Variants in FRMD3 observed in about 807,000 individuals in gnomAD.
FRMD3 encodes FERM domain-containing protein 3.
Under a neutral mutation model 70.2 loss-of-function variants are expected in FRMD3, and 33 were observed. The observed-to-expected ratio is 0.47, with a 90% CI of 0.36 to 0.63. The LOEUF is 0.63. Among genes scored for constraint, FRMD3 ranks in the 20% least tolerant of loss-of-function variants. The pLI, the probability that FRMD3 is intolerant of heterozygous loss-of-function variation, is 0.00. For missense variants in FRMD3, 632 were observed against 711.4 expected (o/e 0.89, Z 1.27); for synonymous variants, 279 against 255.9 (o/e 1.09, Z -0.86).
In FRMD3 at chr9:83,247,440, TA is replaced by T; in HGVS notation, c.*477del. The T allele has an allele frequency of 1.0e-6, 1 of 982,884 alleles. No homozygotes were observed. The highest frequency in any genetic ancestry group is 1.2e-6 in the Non-Finnish European group (1 of 827,412). The allele number at this position is 982,884 out of a possible 1,614,324, so 60.9% of individuals were successfully genotyped here. On this transcript the variant is annotated 3_prime_UTR_variant, in exon 14 of 14. Transcript: ENST00000304195. ...TAGTTTGAACACATAAAAATATTTT[TA>T]AAAAAACAGAACCAAAAACCCAGCA...
chr9:83,383,528 A>T (rs2131284028), intron 2 of FRMD3, among the ~76,000 whole-genome samples: 1 of 152,348 alleles, frequency 6.6e-6, no homozygotes, highest in East Asian at 1.9e-4. Flanking sequence ...TATTTTTAAG[A>T]CTAATTTGAA....
chr9:83,317,982 C>A (rs1020093701), intron 6 of FRMD3, among the ~76,000 whole-genome samples: 14 of 152,190 alleles, frequency 9.2e-5, no homozygotes, highest in African/African-American at 3.1e-4. Flanking sequence ...GTAACCACGA[C>A]TCCAACCTCT....
intron 2 of FRMD3, among the ~76,000 whole-genome samples, chr9:83,377,933 G>A (rs1430080800): frequency 1.3e-5 from 2 of 152,154 alleles, no homozygotes; most frequent in African/African-American, 2.4e-5. Context: ...TAGCCTGAAT[G>A]AGTTCATACA....
At chr9:83,416,737 TTCTC>T (rs1307493551) in intron 1 of FRMD3, among the ~76,000 whole-genome samples, 6 of 80,988 alleles carry the variant, frequency 7.4e-5, no homozygotes, top group African/African-American at 2.8e-4. Context: ...CCTAAAACAT[TTCTC>T]TCTGTCTCTC....
intron 1 of FRMD3, among the ~76,000 whole-genome samples, chr9:83,535,396 C>T (rs920417868): frequency 2.6e-5 from 4 of 152,116 alleles, no homozygotes; most frequent in Non-Finnish European, 5.9e-5. Flanking sequence ...GACTAATGAG[C>T]TCCCAAGGAT....
At chr9:83,498,704 C>T (rs1022742247) in intron 1 of FRMD3, among the ~76,000 whole-genome samples, 1 of 151,880 alleles carries the variant, frequency 6.6e-6, no homozygotes, top group African/African-American at 2.4e-5. Context: ...TTAGAATACC[C>T]TTTCAATATC....
chr9:83,381,554 A>G (rs1825356081), intron 2 of FRMD3, among the ~76,000 whole-genome samples: 1 of 151,784 alleles, frequency 6.6e-6, no homozygotes, highest in African/African-American at 2.4e-5. Flanking sequence ...CAAAAAAAAA[A>G]GAAAAGAAAG....
At chr9:83,408,491 A>G (rs1250767585) in intron 1 of FRMD3, among the ~76,000 whole-genome samples, 2 of 152,160 alleles carry the variant, frequency 1.3e-5, no homozygotes, top group African/African-American at 4.8e-5. Context: ...ATTTCTTGGC[A>G]CCCAGTGAGA....
At chr9:83,363,826 T>C (rs1466893569) in intron 3 of FRMD3, among the ~76,000 whole-genome samples, 1 of 152,164 alleles carries the variant, frequency 6.6e-6, no homozygotes, top group African/African-American at 2.4e-5. Context: ...AGTACTGGGA[T>C]TACAGGCGTG....
intron 13 of FRMD3, among the ~76,000 whole-genome samples, chr9:83,277,865 C>T (rs996194385): frequency 6.6e-5 from 10 of 152,088 alleles, no homozygotes; most frequent in Non-Finnish European, 1.2e-4. Context: ...TACTTTGTAC[C>T]GGAACATCCC....
At chr9:83,293,373 C>T (rs1834524448) in intron 12 of FRMD3, among the ~76,000 whole-genome samples, 1 of 152,094 alleles carries the variant, frequency 6.6e-6, no homozygotes, top group Admixed American at 6.6e-5. Flanking sequence ...CTGAAAAGCC[C>T]ATCCATCCAT....
chr9:83,335,608 A>T lies in FRMD3; in HGVS notation c.504T>A (p.His168Gln). ...CAAACTCACTGATGTAATTCTCAGG[A>T]TGCTCATCAGGATCGTAATCACCAA... is the stretch of plus-strand genomic sequence containing the variant. ...AELGDYDPDEHPENYISEFEI... is the reference protein window; with the variant it reads ...AELGDYDPDEQPENYISEFEI... The change falls in exon 6 of 14, where the codon CAT becomes CAA. Residue 168 changes from histidine to glutamine, a missense_variant. Coordinates refer to ENST00000304195, the MANE Select transcript of FRMD3 (RefSeq NM_174938.6). The T allele has an allele frequency of 6.2e-7, 1 of 1,613,334 alleles. No homozygotes were observed. The highest frequency in any genetic ancestry group is 8.5e-7 in the Non-Finnish European group (1 of 1,179,414).
Position 83,246,608 on chromosome 9 carries a change from A to T in FRMD3, c.*1310T>A. 1 of 984,968 alleles carries T rather than the reference A, an allele frequency of 1.0e-6. No individual in the cohort carries two copies. The allele number at this position is 984,968 out of a possible 1,614,324, so 61.0% of individuals were successfully genotyped here. ...AGGAGTATAATGACCACCGCAAAAC[A>T]TGATCATGGACATGTATCAAAAAGC... On this transcript the variant is annotated 3_prime_UTR_variant, in exon 14 of 14. Transcript: ENST00000304195.
rs910369701 is a variant in FRMD3, at chr9:83,246,320, A to G, written c.*1598T>C. On this transcript the variant is annotated 3_prime_UTR_variant, in exon 14 of 14. Coordinates refer to ENST00000304195, the MANE Select transcript of FRMD3 (RefSeq NM_174938.6). ...TCTTTCTCCCACATAACACAGTATCAGCAGGTAGTCTGCATGGGAAGGCAT... is the reference window on the plus strand; with the variant it reads ...TCTTTCTCCCACATAACACAGTATCGGCAGGTAGTCTGCATGGGAAGGCAT... 23 of 984,372 alleles carry G rather than the reference A, an allele frequency of 2.3e-5. No individual in the cohort carries two copies. Among genetic ancestry groups the G allele is most frequent in the Non-Finnish European group, 2.8e-5 (23 of 829,006 alleles). 61.0% of individuals were successfully genotyped at this position (984,372 alleles called of 1,614,324 possible).
chr9:83,474,923 C>A (rs1222370228), intron 1 of FRMD3, among the ~76,000 whole-genome samples: 1 of 152,044 alleles, frequency 6.6e-6, no homozygotes, highest in Non-Finnish European at 1.5e-5. Context: ...CCAAAGTGGA[C>A]AGACCTGGGT....
At chr9:83,509,548 G>A (rs191155522) in intron 1 of FRMD3, among the ~76,000 whole-genome samples, 51 of 152,270 alleles carry the variant, frequency 3.3e-4, no homozygotes, top group Non-Finnish European at 6.0e-4. Flanking sequence ...GGAGCAGCTC[G>A]TTTAATTGTT....
At chr9:83,269,065 C>T (rs1383679917) in intron 13 of FRMD3, among the ~76,000 whole-genome samples, 1 of 152,210 alleles carries the variant, frequency 6.6e-6, no homozygotes, top group Non-Finnish European at 1.5e-5. Flanking sequence ...CTTTAGGACA[C>T]TGAAGAACAA....
Position 83,245,423 on chromosome 9 carries a change from T to TTGA in FRMD3, c.*2492_*2494dup. The TTGA allele has an allele frequency of 2.0e-6, 2 of 985,446 alleles. No individual in the cohort carries two copies. The highest frequency in any genetic ancestry group is 6.1e-5 in the Admixed American group (1 of 16,288). The allele number at this position is 985,446 out of a possible 1,614,324, so 61.0% of individuals were successfully genotyped here. Reference sequence around the variant, plus strand: ...GCATTTCAAGATTCCAGTTTAACTTTTGATGGCTGTTTAAATTCAGCAGAC... The same window carrying TTGA: ...GCATTTCAAGATTCCAGTTTAACTTTTGATGATGGCTGTTTAAATTCAGCAGAC... On this transcript the variant is annotated 3_prime_UTR_variant, in exon 14 of 14. Coordinates refer to ENST00000304195, the MANE Select transcript of FRMD3 (RefSeq NM_174938.6).
chr9:83,447,166 G>T (rs531764056), intron 1 of FRMD3, among the ~76,000 whole-genome samples: 2 of 152,296 alleles, frequency 1.3e-5, no homozygotes, highest in South Asian at 4.1e-4. Context: ...TGGGATTACA[G>T]GCATGCGCCA....
Sources: allele counts gnomAD v4.1 joint callset (sites outside exome capture counted in the v4.1 genomes callset), GRCh38; gene constraint gnomAD v4.1.1; transcripts MANE v1.5; gene names NCBI Gene and HGNC (gene_info 2026-07-23, HGNC 2026-07-21).